Variants in FBXL4 observed in about 807,000 individuals in gnomAD.
FBXL4 encodes the protein F-box and leucine rich repeat protein 4.
Under a neutral mutation model 58.9 loss-of-function variants are expected in FBXL4, and 40 were observed. The observed-to-expected ratio is 0.68, with a 90% CI of 0.53 to 0.88. FBXL4 has a LOEUF of 0.88. Among genes scored for constraint, FBXL4 ranks in the 40% least tolerant of loss-of-function variants. The probability of loss-of-function intolerance (pLI) is 0.00; values close to 1 mark genes in which losing one functional copy is unlikely to be tolerated. For synonymous variants in FBXL4, 263 were observed against 265.5 expected (o/e 0.99, Z 0.09); for missense variants, 676 against 734.4 (o/e 0.92, Z 0.92).
chr6:98,890,470 A>G (rs1395441816), intron 7 of FBXL4, among the ~76,000 whole-genome samples: 1 of 152,238 alleles, frequency 6.6e-6, no homozygotes, highest in Non-Finnish European at 1.5e-5. Flanking sequence ...AAATTCATAA[A>G]TTTGCATAAC....
chr6:98,937,662 C>T (rs1773272842), intron 1 of FBXL4, among the ~76,000 whole-genome samples: 1 of 151,990 alleles, frequency 6.6e-6, no homozygotes, highest in South Asian at 2.1e-4. Context: ...CAGGCACACT[C>T]GGTGCAATTT....
Position 98,905,499 on chromosome 6 carries a change from A to T in FBXL4, c.1030T>A (p.Cys344Ser). The T allele has an allele frequency of 6.2e-7, 1 of 1,614,092 alleles. No individual in the cohort carries two copies. The highest frequency in any genetic ancestry group is 1.1e-5 in the South Asian group (1 of 91,084). Residue 344 changes from cysteine (C) to serine (S), a missense_variant, in exon 6 of 10, where the codon TGC becomes AGC. Transcript: ENST00000369244. ...DTSLEFLQSRCTLVQWLNLSW... is the reference protein window; with the variant it reads ...DTSLEFLQSRSTLVQWLNLSW... ...AAATTAAGCCACTGGACAAGAGTGC[A>T]GCGAGACTGTAGAAATTCCAGAGAA...
At chr6:98,940,726 T>C (rs1773402261) in intron 1 of FBXL4, among the ~76,000 whole-genome samples, 1 of 152,156 alleles carries the variant, frequency 6.6e-6, no homozygotes, top group Non-Finnish European at 1.5e-5. Context: ...TTTCTCCCAG[T>C]CTGTGCTTGC....
At chr6:98,916,642 G>T (rs1390376997) in intron 5 of FBXL4, among the ~76,000 whole-genome samples, 1 of 152,104 alleles carries the variant, frequency 6.6e-6, no homozygotes, top group African/African-American at 2.4e-5. Context: ...CACAGGAAGG[G>T]GAACATCACG....
At chr6:98,930,163 A>G (rs187881455) in intron 2 of FBXL4, among the ~76,000 whole-genome samples, 3 of 152,382 alleles carry the variant, frequency 2.0e-5, no homozygotes, top group African/African-American at 7.2e-5. Flanking sequence ...AGAGATAGTC[A>G]GTGGACTCAC....
Position 98,874,093 on chromosome 6 carries a change from G to A in FBXL4, c.*185C>T. On this transcript the variant is annotated 3_prime_UTR_variant, in exon 10 of 10. Coordinates refer to ENST00000369244, the MANE Select transcript of FBXL4 (RefSeq NM_001278716.2). ...CTCATATTCTTGAAGAGAAGTGCTT[G>A]CAGTATTTTATGAAAACATTTGTGC... 2.2e-6 allele frequency: 1 copy of A among 461,728 alleles called. No homozygotes were observed. Among genetic ancestry groups the A allele is most frequent in the East Asian group, 3.6e-5 (1 of 28,080 alleles). The allele number at this position is 461,728 out of a possible 1,614,324, so 28.6% of individuals were successfully genotyped here. A position where few individuals can be genotyped will look rare whatever the true frequency, so the allele number is the denominator to read the frequency against.
chr6:98,942,435 G>C (rs927275399), intron 1 of FBXL4, among the ~76,000 whole-genome samples: 4 of 152,216 alleles, frequency 2.6e-5, no homozygotes, highest in Non-Finnish European at 5.9e-5. Context: ...AAGGTGATTG[G>C]ATCATGGGGG....
intron 5 of FBXL4, 29 bp downstream of exon 5, chr6:98,917,345 A>G: frequency 6.8e-7 from 1 of 1,474,960 alleles, no homozygotes; most frequent in Non-Finnish European, 9.3e-7. Flanking sequence ...TGTTATATCC[A>G]ATACTGCTGC....
chr6:98,920,709 G>A (rs1380179389), intron 4 of FBXL4, among the ~76,000 whole-genome samples: 4 of 152,020 alleles, frequency 2.6e-5, no homozygotes, highest in African/African-American at 9.7e-5. Flanking sequence ...AAGAGAATAT[G>A]AGAATTTCTT....
At chr6:98,932,890 G>C (rs1166998697) in intron 2 of FBXL4, among the ~76,000 whole-genome samples, 1 of 145,940 alleles carries the variant, frequency 6.9e-6, no homozygotes, top group African/African-American at 2.5e-5. Context: ...AGCCCACAGA[G>C]ACATGTCAAT....
intron 2 of FBXL4, among the ~76,000 whole-genome samples, chr6:98,932,454 G>C (rs1349806130): frequency 6.6e-6 from 1 of 152,098 alleles, no homozygotes; most frequent in Non-Finnish European, 1.5e-5. Context: ...AATGCTTAAC[G>C]AAGTTAAATA....
intron 1 of FBXL4, among the ~76,000 whole-genome samples, chr6:98,938,436 G>A (rs1237222285): frequency 1.3e-5 from 2 of 152,114 alleles, no homozygotes; most frequent in Non-Finnish European, 2.9e-5. Context: ...GACATTGTCT[G>A]ATACCAAAAG....
At chr6:98,912,283 C>G (rs1167909730) in intron 5 of FBXL4, among the ~76,000 whole-genome samples, 1 of 152,206 alleles carries the variant, frequency 6.6e-6, no homozygotes, top group Non-Finnish European at 1.5e-5. Flanking sequence ...CTTCCCCAAT[C>G]TAGCAAGGCA....
intron 5 of FBXL4, among the ~76,000 whole-genome samples, chr6:98,907,060 G>T (rs1029778732): frequency 2.0e-5 from 3 of 152,166 alleles, no homozygotes; most frequent in African/African-American, 4.8e-5. Context: ...GTAGATTCTG[G>T]ATATTAGCCC....
chr6:98,908,147 AAAGAAAGGTCTAAAAT>A (rs1771884068), intron 5 of FBXL4, among the ~76,000 whole-genome samples: 2 of 152,222 alleles, frequency 1.3e-5, no homozygotes, highest in Admixed American at 1.3e-4. Context: ...CCCAAACATT[AAAGAAAGGTCTAAAAT>A]AAGAAGTTTC....
Position 98,898,779 on chromosome 6 carries a change from T to G in FBXL4, c.1317+489A>C, listed in dbSNP as rs968350241. ...AATATATGCACTGACCCTGGAAACA[T>G]GTCCTAGAGATATTAGTGAAAAAGC... On this transcript the variant is annotated intron_variant, in intron 7 of 9. Coordinates refer to ENST00000369244, the MANE Select transcript of FBXL4 (RefSeq NM_001278716.2). 7.1e-6 allele frequency: 7 copies of G among 985,244 alleles called. No individual in the cohort carries two copies. The African/African-American group carries it at 1.2e-4, about 17-fold the overall frequency. The allele number at this position is 985,244 out of a possible 1,614,324, so 61.0% of individuals were successfully genotyped here. A position where few individuals can be genotyped will look rare whatever the true frequency, so the allele number is the denominator to read the frequency against.
At chr6:98,886,584 T>G (rs1173574537) in intron 7 of FBXL4, among the ~76,000 whole-genome samples, 2 of 152,232 alleles carry the variant, frequency 1.3e-5, no homozygotes, top group African/African-American at 4.8e-5. Flanking sequence ...TTCTTTGAAC[T>G]GCCATCTCCT....
intron 6 of FBXL4, among the ~76,000 whole-genome samples, chr6:98,904,764 G>C (rs1771735008): frequency 6.6e-6 from 1 of 152,112 alleles, no homozygotes; most frequent in African/African-American, 2.4e-5. Context: ...TCAAGGTTAG[G>C]AGAAAAACAC....
At chr6:98,901,482 A>AACTG in intron 6 of FBXL4, among the ~76,000 whole-genome samples, 2 of 152,322 alleles carry the variant, frequency 1.3e-5, no homozygotes, top group South Asian at 4.1e-4. Context: ...TTAGGAGACA[A>AACTG]TAGGAAACTT....
Sources: allele counts gnomAD v4.1 joint callset (sites outside exome capture counted in the v4.1 genomes callset), GRCh38; gene constraint gnomAD v4.1.1; transcripts MANE v1.5; gene names NCBI Gene and HGNC (gene_info 2026-07-23, HGNC 2026-07-21).